DISC1: variants seen among roughly 807,000 people sequenced by gnomAD.
DISC1 encodes disrupted in schizophrenia 1 protein.
A neutral mutation model predicts 84.5 loss-of-function variants in DISC1; 57 were observed. That is an observed-to-expected ratio of 0.67 (90% CI 0.55 to 0.84). The LOEUF is 0.84. DISC1 is among the 40% of genes least tolerant of loss of function. DISC1 has a pLI of 0.00. For synonymous variants in DISC1, 411 were observed against 415.2 expected, an observed-to-expected ratio of 0.99 and a Z score of 0.12; for missense variants, 1,000 against 1,057.8, an observed-to-expected ratio of 0.95 and a Z score of 0.76.
intron 9 of DISC1, among the ~76,000 whole-genome samples, chr1:231,888,161 A>G (rs2086911430): frequency 6.6e-6 from 1 of 152,202 alleles, no homozygotes; most frequent in Admixed American, 6.5e-5. Flanking sequence ...TGGGGGAAGC[A>G]GTGGAGCAGA....
intron 9 of DISC1, among the ~76,000 whole-genome samples, chr1:231,888,172 A>G (rs180687030): frequency 1.1e-3 from 172 of 152,322 alleles, no homozygotes; most frequent in Non-Finnish European, 1.8e-3. Context: ...GTGGAGCAGA[A>G]TGCAATCTGG....
chr1:231,856,835 A>G (rs1044949276), intron 9 of DISC1, among the ~76,000 whole-genome samples: 2 of 152,142 alleles, frequency 1.3e-5, no homozygotes, highest in African/African-American at 4.8e-5. Flanking sequence ...CTTTCCCAAG[A>G]TGGGGCCTAC....
At chr1:231,879,827 A>G (rs2086165070) in intron 9 of DISC1, among the ~76,000 whole-genome samples, 2 of 152,088 alleles carry the variant, frequency 1.3e-5, no homozygotes, top group Admixed American at 1.3e-4. Flanking sequence ...TCATAATTCT[A>G]GTGCATTAAG....
chr1:231,938,646 A>G (rs966312921), intron 9 of DISC1, among the ~76,000 whole-genome samples: 3 of 152,216 alleles, frequency 2.0e-5, no homozygotes, highest in Admixed American at 6.5e-5. Context: ...GACCTACAGA[A>G]CCATGAAACC....
At chr1:232,027,706 C>T (rs770723312) in intron 12 of DISC1, among the ~76,000 whole-genome samples, 13 of 151,708 alleles carry the variant, frequency 8.6e-5, no homozygotes, top group Non-Finnish European at 1.5e-4. Context: ...TTATTAGATG[C>T]GTTTGTGGCA....
Position 231,856,015 on chromosome 1 carries a change from C to CT in DISC1, c.1981+37501dup, listed in dbSNP as rs1406711145. Among the ~76,000 whole-genome samples the CT allele has an allele frequency of 5.3e-5, 8 of 152,282 alleles. No individual in the cohort carries two copies. In the East Asian group the frequency reaches 1.5e-3, roughly 29 times the overall value. On this transcript the variant is annotated intron_variant, in intron 9 of 12. Coordinates refer to ENST00000439617, the MANE Select transcript of DISC1 (RefSeq NM_018662.3). The stretch of plus-strand genomic sequence containing the variant: ...GACTATCTGGCGATGACACTTCTAC[C>CT]TTTGTTTTTGGCTTGACGTGCATAT...
intron 11 of DISC1, among the ~76,000 whole-genome samples, chr1:232,025,926 A>G (rs369349166): frequency 1.3e-5 from 2 of 152,188 alleles, no homozygotes; most frequent in African/African-American, 4.8e-5. Flanking sequence ...GCGGCTCTAT[A>G]TGCAGTATAC....
intron 9 of DISC1, among the ~76,000 whole-genome samples, chr1:231,844,310 G>A (rs2083291406): frequency 6.6e-6 from 1 of 152,152 alleles, no homozygotes; most frequent in Non-Finnish European, 1.5e-5. Context: ...CTTTACTTAT[G>A]TGTACAGGTT....
At chr1:231,870,207 C>A (rs1372032346) in intron 9 of DISC1, among the ~76,000 whole-genome samples, 1 of 152,112 alleles carries the variant, frequency 6.6e-6, no homozygotes, top group Non-Finnish European at 1.5e-5. Context: ...CACTCCCAGG[C>A]AGGACACCAA....
intron 8 of DISC1, among the ~76,000 whole-genome samples, chr1:231,807,718 C>T (rs1028044171): frequency 1.2e-4 from 19 of 152,304 alleles, no homozygotes; most frequent in Non-Finnish European, 2.4e-4. Context: ...CAGCAGCTGC[C>T]TGGGTGACAG....
At chr1:231,679,021 C>T (rs1218166466) in intron 1 of DISC1, among the ~76,000 whole-genome samples, 5 of 152,258 alleles carry the variant, frequency 3.3e-5, no homozygotes, top group Non-Finnish European at 7.4e-5. Context: ...GGGATGCTGC[C>T]ATTTGTTTTC....
At chr1:231,660,558 C>T (rs2061490890) in intron 1 of DISC1, among the ~76,000 whole-genome samples, 1 of 152,156 alleles carries the variant, frequency 6.6e-6, no homozygotes, top group Non-Finnish European at 1.5e-5. Flanking sequence ...CTCACGGCAA[C>T]CTCTGCCTCC....
chr1:231,663,655 A>C (rs768905702), intron 1 of DISC1, among the ~76,000 whole-genome samples: 1 of 152,178 alleles, frequency 6.6e-6, no homozygotes, highest in Non-Finnish European at 1.5e-5. Flanking sequence ...TAAGATTAAC[A>C]ACTTGCATCC....
intron 9 of DISC1, among the ~76,000 whole-genome samples, chr1:231,884,912 T>C (rs1447523430): frequency 6.6e-6 from 1 of 152,150 alleles, no homozygotes; most frequent in Non-Finnish European, 1.5e-5. Flanking sequence ...TGCTGGAATA[T>C]ATAAGGAGAG....
At chr1:231,724,097 A>G (rs2070274585) in intron 3 of DISC1, 1 of 893,566 alleles carries the variant, frequency 1.1e-6, no homozygotes, top group Non-Finnish European at 1.3e-6. Context: ...TCACCTGCTA[A>G]TAGATTGGAC....
In DISC1 at chr1:231,954,023, C is replaced by T. The variant is rs1343372170; in HGVS notation, c.1982-4805C>T. On this transcript the variant is annotated intron_variant, in intron 9 of 12. Transcript: ENST00000439617. The surrounding 1 kb of genome is among the most constrained non-coding windows in gnomAD (Gnocchi z 4.8). ...CATTGAAACCTCGTTGGACTTCCTC[C>T]CACTTAACATTCTCCTACCTTCCGT... 6.6e-6 allele frequency among the ~76,000 whole-genome samples: 1 copy of T among 152,202 alleles called. No homozygotes were observed. Among genetic ancestry groups the T allele is most frequent in the Non-Finnish European group, 1.5e-5 (1 of 68,030 alleles).
intron 9 of DISC1, among the ~76,000 whole-genome samples, chr1:231,900,752 G>T (rs1357720122): frequency 6.6e-6 from 1 of 152,172 alleles, no homozygotes; most frequent in African/African-American, 2.4e-5. Flanking sequence ...ATCTCCTAGG[G>T]TAAGAGAAGG....
rs2077122902 is a variant in DISC1, at chr1:231,778,392, G to A, written c.1634+7322G>A. Reference sequence around the variant, plus strand: ...TTTATGAAATAAGTTAAAATAAGCTGCCTAAAAACCCCTCATAATTCTATT... The same window carrying A: ...TTTATGAAATAAGTTAAAATAAGCTACCTAAAAACCCCTCATAATTCTATT... On this transcript the variant is annotated intron_variant, in intron 6 of 12. Transcript: ENST00000439617. 2.6e-5 allele frequency among the ~76,000 whole-genome samples: 4 copies of A among 151,666 alleles called. No homozygotes were observed. In the East Asian group the frequency reaches 7.7e-4, roughly 29 times the overall value.
At chr1:232,022,585 C>A (rs146219566) in intron 11 of DISC1, among the ~76,000 whole-genome samples, 1 of 152,094 alleles carries the variant, frequency 6.6e-6, no homozygotes, top group Admixed American at 6.5e-5. Flanking sequence ...GGATTACAGG[C>A]GTGAGCCACC....
Sources: gnomAD v4.1 joint callset for allele counts (sites outside exome capture counted in the v4.1 genomes callset) on GRCh38, gnomAD v4.1.1 for gene constraint, Gnocchi (gnomAD v3.1) non-coding constraint, MANE v1.5 for transcripts, NCBI Gene and HGNC (gene_info 2026-07-23, HGNC 2026-07-21) for gene names.